Variants in ZFPM2 observed in about 807,000 individuals in gnomAD.
ZFPM2 encodes the protein zinc finger protein, FOG family member 2, also known as zinc finger protein ZFPM2.
A neutral mutation model predicts 98.6 loss-of-function variants in ZFPM2; 20 were observed. That is an observed-to-expected ratio of 0.20 (90% CI 0.14 to 0.29). The LOEUF is 0.29. Among genes scored for constraint, ZFPM2 ranks in the 10% least tolerant of loss-of-function variants. The probability of loss-of-function intolerance (pLI) is 1.00; values close to 1 mark genes in which losing one functional copy is unlikely to be tolerated. For missense variants in ZFPM2, 1,310 were observed against 1,388.6 expected (o/e 0.94, Z 0.90); for synonymous variants, 518 against 502.7 (o/e 1.03, Z -0.41).
chr8:105,357,089 G>A (rs1158669960), intron 1 of ZFPM2, among the ~76,000 whole-genome samples: 3 of 139,628 alleles, frequency 2.1e-5, no homozygotes, highest in Non-Finnish European at 4.9e-5. Flanking sequence ...TTCTGTTCCG[G>A]TGAAGTAGTA....
chr8:105,497,815 A>G (rs1428773989), intron 3 of ZFPM2, among the ~76,000 whole-genome samples: 3 of 152,096 alleles, frequency 2.0e-5, no homozygotes, highest in Admixed American at 6.5e-5. Flanking sequence ...TTTAGTCTGC[A>G]TTTCACTATT....
At chr8:105,754,165 T>G (rs568038626) in intron 5 of ZFPM2, among the ~76,000 whole-genome samples, 18 of 152,238 alleles carry the variant, frequency 1.2e-4, no homozygotes, top group African/African-American at 4.3e-4. Flanking sequence ...TTAGAGTCAT[T>G]AAATTTCCTT....
chr8:105,610,399 G>A (rs1816284551), intron 4 of ZFPM2, among the ~76,000 whole-genome samples: 2 of 152,122 alleles, frequency 1.3e-5, no homozygotes, highest in African/African-American at 2.4e-5. Context: ...TGGAACTGTG[G>A]TGCTGACAGG....
chr8:105,372,989 T>C (rs1218628826), intron 1 of ZFPM2, among the ~76,000 whole-genome samples: 1 of 152,144 alleles, frequency 6.6e-6, no homozygotes, highest in Non-Finnish European at 1.5e-5. Context: ...CCATAGATTA[T>C]CTCCCAGTTC....
intron 3 of ZFPM2, among the ~76,000 whole-genome samples, chr8:105,462,718 G>A (rs1005914472): frequency 7.4e-5 from 11 of 149,556 alleles, no homozygotes; most frequent in Admixed American, 4.1e-4. Flanking sequence ...CATCAGCACC[G>A]TCATGATCCT....
intron 2 of ZFPM2, among the ~76,000 whole-genome samples, chr8:105,431,555 A>G (rs570399864): frequency 6.6e-6 from 1 of 152,158 alleles, no homozygotes; most frequent in South Asian, 2.1e-4. Context: ...CATTAATAAA[A>G]TAATCACTCA....
Position 105,803,248 on chromosome 8 carries a change from G to A in ZFPM2, c.3166G>A (p.Ala1056Thr). 1 of 1,604,806 alleles carries A rather than the reference G, an allele frequency of 6.2e-7. No individual in the cohort carries two copies. The change falls in exon 8 of 8, where the codon GCC becomes ACC. Residue 1056 changes from alanine to threonine, a missense_variant. Ala to Thr is a moderately conservative substitution (Grantham distance 58). Transcript: ENST00000407775. ...ACTGAAACAAGATGAGAGACCTGCT[G>A]CCAACCCACAGCAAGAGAACATTTC... ...GGLKQDERPA[A>T]NPQQENISQN... is the part of the protein sequence containing the mutation.
intron 1 of ZFPM2, among the ~76,000 whole-genome samples, chr8:105,376,213 C>T (rs149256022): frequency 1.3e-5 from 2 of 152,268 alleles, no homozygotes; most frequent in East Asian, 1.9e-4. Flanking sequence ...TCTTGAAGCA[C>T]GTTCTTCTCT....
intron 2 of ZFPM2, among the ~76,000 whole-genome samples, chr8:105,431,530 T>C (rs11993227): frequency 0.25 from 38,577 of 152,050 alleles, 5,142 homozygotes; most frequent in Admixed American, 0.32. Flanking sequence ...ATTTACCTTA[T>C]AGTGGGGAGG....
chr8:105,609,425 G>C (rs1405791652), intron 4 of ZFPM2, among the ~76,000 whole-genome samples: 1 of 152,122 alleles, frequency 6.6e-6, no homozygotes, highest in Non-Finnish European at 1.5e-5. Context: ...AAGGGGAGTG[G>C]TGTGGAGGCA....
At chr8:105,650,156 G>A (rs10955399) in intron 5 of ZFPM2, among the ~76,000 whole-genome samples, 46,840 of 151,878 alleles carry the variant, frequency 0.31, 7,468 homozygotes, top group Middle Eastern at 0.52. Context: ...TTTCTAGTTT[G>A]TTTGCATAGA....
chr8:105,696,064 A>G (rs1302272100), intron 5 of ZFPM2, among the ~76,000 whole-genome samples: 1 of 152,170 alleles, frequency 6.6e-6, no homozygotes, highest in Non-Finnish European at 1.5e-5. Context: ...TAACAGTGCA[A>G]TATTAATATA....
intron 4 of ZFPM2, among the ~76,000 whole-genome samples, chr8:105,562,398 T>C (rs1586464816): frequency 6.6e-6 from 1 of 152,182 alleles, no homozygotes; most frequent in Non-Finnish European, 1.5e-5. Flanking sequence ...CTTTATTTCT[T>C]AATTGGATAT....
intron 1 of ZFPM2, among the ~76,000 whole-genome samples, chr8:105,380,779 A>T: frequency 3.4e-5 from 1 of 29,790 alleles, no homozygotes; most frequent in South Asian, 8.9e-4. Flanking sequence ...ATATACACAT[A>T]TATGTGTATA....
At chr8:105,512,717 G>A (rs1185182924) in intron 3 of ZFPM2, among the ~76,000 whole-genome samples, 2 of 152,172 alleles carry the variant, frequency 1.3e-5, no homozygotes, top group Non-Finnish European at 2.9e-5. Flanking sequence ...AAATGTCAGA[G>A]AAGGATATTG....
chr8:105,700,650 C>T lies in ZFPM2; in HGVS notation c.532+66293C>T, dbSNP rs1328037556. On this transcript the variant is annotated intron_variant, in intron 5 of 7. Coordinates refer to ENST00000407775, the MANE Select transcript of ZFPM2 (RefSeq NM_012082.4). ...CTGTCATCCAGGCTGGAGTGCAGTG[C>T]AGTAGCATGATCTCCACTCACTGCA... is the stretch of plus-strand genomic sequence containing the variant. Among the ~76,000 whole-genome samples the T allele has an allele frequency of 2.0e-5, 3 of 152,004 alleles. No homozygotes were observed. In the East Asian group the frequency reaches 5.8e-4, roughly 29 times the overall value.
chr8:105,467,651 C>T (rs1563672878), intron 3 of ZFPM2, among the ~76,000 whole-genome samples: 1 of 151,976 alleles, frequency 6.6e-6, no homozygotes. Flanking sequence ...TATATTAAAG[C>T]ACTTTTAAAC....
intron 3 of ZFPM2, among the ~76,000 whole-genome samples, chr8:105,513,570 C>G (rs1426946079): frequency 1.3e-5 from 2 of 152,308 alleles, no homozygotes; most frequent in East Asian, 3.9e-4. Context: ...TTATAAAAAG[C>G]ACATCTACTC....
At chr8:105,545,808 A>G (rs10113584) in intron 3 of ZFPM2, among the ~76,000 whole-genome samples, 146 of 152,236 alleles carry the variant, frequency 9.6e-4, no homozygotes, top group African/African-American at 3.2e-3. Flanking sequence ...ATGAATAAAC[A>G]TTTTCCATTG....
Sources: gnomAD v4.1 joint callset for allele counts (sites outside exome capture counted in the v4.1 genomes callset) on GRCh38, gnomAD v4.1.1 for gene constraint, MANE v1.5 for transcripts, NCBI Gene and HGNC (gene_info 2026-07-23, HGNC 2026-07-21) for gene names.